The following ANO3 variants were observed in gnomAD, a reference collection of about 807,000 sequenced individuals.
The protein encoded by ANO3 is anoctamin 3.
In ANO3, 99 loss-of-function variants were observed where a neutral mutation model predicts 144.8. The observed-to-expected ratio is 0.68, with a 90% confidence interval of 0.58 to 0.81. ANO3 has a LOEUF of 0.81. ANO3 is among the 30% of genes least tolerant of loss of function. The pLI is 0.00. For missense variants in ANO3, 905 were observed against 1,202.2 expected (o/e 0.75, Z 3.66); for synonymous variants, 414 against 392.6 (o/e 1.05, Z -0.64).
chr11:26,400,617 T>C (rs1258015664), intron 1 of ANO3, among the ~76,000 whole-genome samples: 2 of 151,892 alleles, frequency 1.3e-5, no homozygotes, highest in Non-Finnish European at 2.9e-5. Flanking sequence ...TCTTTAATAT[T>C]TTTTCTTTCA....
intron 18 of ANO3, among the ~76,000 whole-genome samples, chr11:26,633,360 T>C (rs983169465): frequency 6.6e-6 from 1 of 152,108 alleles, no homozygotes; most frequent in African/African-American, 2.4e-5. Flanking sequence ...TGCAAAAAAA[T>C]AGTGAAGAGA....
intron 1 of ANO3, among the ~76,000 whole-genome samples, chr11:26,254,667 A>T (rs141987727): frequency 0.016 from 2,470 of 152,242 alleles, 25 homozygotes; most frequent in Non-Finnish European, 0.027. Context: ...GAGACATGAT[A>T]TGTTTTAGCA....
At chr11:26,608,876 G>A (rs1565139815) in intron 17 of ANO3, among the ~76,000 whole-genome samples, 1 of 152,172 alleles carries the variant, frequency 6.6e-6, no homozygotes, top group Non-Finnish European at 1.5e-5. Context: ...AGTGTGTTAG[G>A]CAGCTATTAG....
At chr11:26,547,628 T>TA (rs962088315) in intron 12 of ANO3, 78 bp downstream of exon 12, 11 of 1,349,398 alleles carry the variant, frequency 8.2e-6, no homozygotes, top group Admixed American at 7.8e-5. Context: ...ATGCTGACTA[T>TA]AAAAAATCAA....
At chr11:26,648,446 TC>T (rs1434554429) in intron 24 of ANO3, among the ~76,000 whole-genome samples, 1 of 152,182 alleles carries the variant, frequency 6.6e-6, no homozygotes, top group Admixed American at 6.5e-5. Flanking sequence ...GGTAATTCTG[TC>T]TTTTCATGGA....
At chr11:26,274,994 C>G (rs973385153) in intron 1 of ANO3, among the ~76,000 whole-genome samples, 5 of 151,816 alleles carry the variant, frequency 3.3e-5, no homozygotes, top group African/African-American at 1.2e-4. Flanking sequence ...AATTTCATTA[C>G]TCAAAAAATT....
At chr11:26,639,519 T>C (rs1043405361) in intron 21 of ANO3, among the ~76,000 whole-genome samples, 1 of 152,224 alleles carries the variant, frequency 6.6e-6, no homozygotes, top group African/African-American at 2.4e-5. Context: ...TTAAGACACT[T>C]GTTACTAGTT....
chr11:26,332,365 C>T, intron 1 of ANO3, 44 bp downstream of exon 1: 2 of 1,595,764 alleles, frequency 1.3e-6, no homozygotes. Flanking sequence ...GCGTCACTTC[C>T]CCCCTGCATG....
At chr11:26,196,347 T>C (rs1851589550) in intron 1 of ANO3, among the ~76,000 whole-genome samples, 1 of 152,224 alleles carries the variant, frequency 6.6e-6, no homozygotes, top group Non-Finnish European at 1.5e-5. Context: ...TTCTTCAGAA[T>C]TCTTATCTGA....
chr11:26,366,155 C>A (rs184493207), intron 1 of ANO3, among the ~76,000 whole-genome samples: 1 of 151,964 alleles, frequency 6.6e-6, no homozygotes. Flanking sequence ...TCCCCTCACC[C>A]CACAACAGGC....
intron 17 of ANO3, among the ~76,000 whole-genome samples, chr11:26,601,341 C>T (rs1258917327): frequency 6.6e-6 from 1 of 152,074 alleles, no homozygotes; most frequent in African/African-American, 2.4e-5. Context: ...CAGAGAAGAT[C>T]TTAAGAGAAA....
chr11:26,327,182 C>T (rs1164878605), upstream of ANO3, among the ~76,000 whole-genome samples: 1 of 152,128 alleles, frequency 6.6e-6, no homozygotes, highest in Non-Finnish European at 1.5e-5. Context: ...TATTTATTTG[C>T]TCAGCTTTTA....
At chr11:26,611,074 C>T (rs1852086015) in intron 17 of ANO3, among the ~76,000 whole-genome samples, 1 of 151,916 alleles carries the variant, frequency 6.6e-6, no homozygotes, top group Non-Finnish European at 1.5e-5. Flanking sequence ...TTAATCTTTT[C>T]AATAAAACTG....
chr11:26,638,920 T>A (rs1336601659), intron 20 of ANO3, among the ~76,000 whole-genome samples: 2 of 152,196 alleles, frequency 1.3e-5, no homozygotes, highest in Non-Finnish European at 2.9e-5. Context: ...AAGTTAGATT[T>A]TTTGTTATTG....
At chr11:26,615,603 G>A in intron 17 of ANO3, among the ~76,000 whole-genome samples, 1 of 151,894 alleles carries the variant, frequency 6.6e-6, no homozygotes, top group East Asian at 1.9e-4. Flanking sequence ...AAGACTAAAT[G>A]AGTAACCTCT....
At chr11:26,366,314 G>C (rs1254112372) in intron 1 of ANO3, among the ~76,000 whole-genome samples, 1 of 152,076 alleles carries the variant, frequency 6.6e-6, no homozygotes, top group Non-Finnish European at 1.5e-5. Context: ...TCCCTACAAA[G>C]GACATGAACT....
chr11:26,445,381 T>A (rs1858665963), intron 3 of ANO3, among the ~76,000 whole-genome samples: 1 of 152,200 alleles, frequency 6.6e-6, no homozygotes. Flanking sequence ...AATCACCCTA[T>A]TAAAAAACCT....
chr11:26,654,674 A>G (rs1853629731), intron 24 of ANO3, among the ~76,000 whole-genome samples: 1 of 152,282 alleles, frequency 6.6e-6, no homozygotes, highest in South Asian at 2.1e-4. Context: ...CCCTGGCTTC[A>G]GGAGAAAGTG....
intron 1 of ANO3, among the ~76,000 whole-genome samples, chr11:26,326,391 A>G (rs1429268885): frequency 6.6e-6 from 1 of 152,114 alleles, no homozygotes; most frequent in African/African-American, 2.4e-5. Flanking sequence ...ATCTAGACTT[A>G]GCTATATTTT....
Sources: allele counts gnomAD v4.1 joint callset (sites outside exome capture counted in the v4.1 genomes callset), GRCh38; gene constraint gnomAD v4.1.1; transcripts MANE v1.5; gene names NCBI Gene and HGNC (gene_info 2026-07-23, HGNC 2026-07-21).